The following GRHL2 variants were observed in gnomAD, a reference collection of about 807,000 sequenced individuals.
The protein encoded by GRHL2 is grainyhead-like protein 2 homolog.
A neutral mutation model predicts 83.8 loss-of-function variants in GRHL2; 21 were observed. The observed-to-expected ratio is 0.25, with a 90% CI of 0.18 to 0.36. The LOEUF (loss-of-function observed/expected upper bound fraction) is 0.36. Ranked by LOEUF, GRHL2 falls within the 10% of genes least tolerant of loss-of-function variation. GRHL2 has a pLI of 1.00. For missense variants in GRHL2, 623 were observed against 781.8 expected (o/e 0.80, Z 2.42); for synonymous variants, 280 against 278.9 (o/e 1.00, Z -0.04).
At chr8:101,518,495 T>C (rs184748542) in intron 1 of GRHL2, among the ~76,000 whole-genome samples, 1 of 152,264 alleles carries the variant, frequency 6.6e-6, no homozygotes, top group Admixed American at 6.5e-5. Context: ...CCATACAGGA[T>C]CACCTCCTCA....
At chr8:101,517,299 C>T (rs150169931) in intron 1 of GRHL2, among the ~76,000 whole-genome samples, 183 of 152,294 alleles carry the variant, frequency 1.2e-3, no homozygotes, top group African/African-American at 4.3e-3. Context: ...CTGCATTTAT[C>T]TCCCATTTTG....
intron 12 of GRHL2, among the ~76,000 whole-genome samples, chr8:101,643,060 C>A (rs1241293654): frequency 6.6e-6 from 1 of 152,116 alleles, no homozygotes; most frequent in Non-Finnish European, 1.5e-5. Flanking sequence ...ACCCATCTGG[C>A]ATTTCTTCAC....
chr8:101,619,514 A>G, intron 8 of GRHL2, 25 bp from the exon 9 acceptor site: 1 of 1,611,938 alleles, frequency 6.2e-7, no homozygotes, highest in Non-Finnish European at 8.5e-7. Flanking sequence ...TTGACTTGTG[A>G]ACTTTTTCTT....
intron 14 of GRHL2, among the ~76,000 whole-genome samples, chr8:101,654,626 G>A (rs1048261479): frequency 6.6e-6 from 1 of 152,290 alleles, no homozygotes; most frequent in Middle Eastern, 3.4e-3. Context: ...GGTGAAATGT[G>A]GATTTGTCAT....
chr8:101,652,454 GTC>G (rs1242918649), intron 14 of GRHL2, among the ~76,000 whole-genome samples: 1 of 58,300 alleles, frequency 1.7e-5, no homozygotes, highest in African/African-American at 8.3e-5. Flanking sequence ...TGTGGTGTGT[GTC>G]TGGTGTGTGT....
chr8:101,529,622 C>T (rs1810880078), intron 1 of GRHL2: 1 of 198,526 alleles, frequency 5.0e-6, no homozygotes, highest in Admixed American at 4.8e-5. Context: ...AAGTATCTTC[C>T]TTTTAACATT....
chr8:101,667,910 G>T lies in GRHL2; in HGVS notation c.*1207G>T, dbSNP rs971574065. On this transcript the variant is annotated 3_prime_UTR_variant, in exon 16 of 16. Coordinates refer to ENST00000646743, the MANE Select transcript of GRHL2 (RefSeq NM_024915.4). ...GGCCCTTTAAAAGGCCTGCTGCCAT[G>T]TGAGAGCTGTGAACAGCTCAGCTCT... The T allele has an allele frequency of 1.3e-5, 2 of 152,826 alleles. No individual in the cohort carries two copies. Among genetic ancestry groups the T allele is most frequent in the Non-Finnish European group, 2.9e-5 (2 of 68,186 alleles). 9.5% of individuals were successfully genotyped at this position (152,826 alleles called of 1,614,324 possible).
intron 1 of GRHL2, among the ~76,000 whole-genome samples, chr8:101,513,482 G>C (rs370835259): frequency 1.2e-4 from 17 of 144,482 alleles, no homozygotes; most frequent in African/African-American, 4.4e-4. Flanking sequence ...GTGTATGTGG[G>C]TGCAGGCTAT....
chr8:101,492,712 CCA>C lies in GRHL2; in HGVS notation c.-57_-56del. On this transcript the variant is annotated 5_prime_UTR_variant, in exon 1 of 16. Transcript: ENST00000646743. Reference sequence around the variant, plus strand: ...CCTTCACCTGCACAGACTTGAAAGTCCAGTTTCACCAGAGGCTGAGGCTCCAG... The same window carrying C: ...CCTTCACCTGCACAGACTTGAAAGTCGTTTCACCAGAGGCTGAGGCTCCAG... The C allele has an allele frequency of 6.6e-7, 1 of 1,508,828 alleles. No individual in the cohort carries two copies. Among genetic ancestry groups the C allele is most frequent in the East Asian group, 2.3e-5 (1 of 44,424 alleles). The allele number at this position is 1,508,828 out of a possible 1,614,324, so 93.5% of individuals were successfully genotyped here. A position where few individuals can be genotyped will look rare whatever the true frequency, so the allele number is the denominator to read the frequency against.
intron 14 of GRHL2, among the ~76,000 whole-genome samples, chr8:101,651,527 C>T (rs1813621221): frequency 6.6e-6 from 1 of 152,186 alleles, no homozygotes; most frequent in Admixed American, 6.5e-5. Flanking sequence ...CTTTACCTTC[C>T]ATGGCATCTG....
At chr8:101,560,630 G>A (rs958964431) in intron 4 of GRHL2, among the ~76,000 whole-genome samples, 11 of 152,154 alleles carry the variant, frequency 7.2e-5, no homozygotes, top group Non-Finnish European at 1.2e-4. Context: ...TACCAGCAAC[G>A]TATGAGGATC....
At chr8:101,559,554 A>G (rs1811564518) in intron 4 of GRHL2, among the ~76,000 whole-genome samples, 1 of 152,050 alleles carries the variant, frequency 6.6e-6, no homozygotes, top group Non-Finnish European at 1.5e-5. Context: ...ACAAACCAAT[A>G]AAACTTTAAA....
At chr8:101,536,539 C>T (rs575455492) in intron 1 of GRHL2, among the ~76,000 whole-genome samples, 2 of 152,274 alleles carry the variant, frequency 1.3e-5, no homozygotes, top group Non-Finnish European at 2.9e-5. Context: ...GGTGAAGAAA[C>T]TGATACACAG....
intron 14 of GRHL2, among the ~76,000 whole-genome samples, chr8:101,657,418 A>G (rs1021007269): frequency 6.6e-5 from 10 of 152,210 alleles, no homozygotes; most frequent in African/African-American, 2.4e-4. Context: ...TATTGATGAG[A>G]TATCTCCAAG....
chr8:101,660,705 A>G (rs1402590522), intron 14 of GRHL2, among the ~76,000 whole-genome samples: 1 of 152,088 alleles, frequency 6.6e-6, no homozygotes, highest in African/African-American at 2.4e-5. Context: ...CGTTTCCTAA[A>G]TTTTCCAAAT....
At chr8:101,493,457 C>T (rs1302290620) in intron 1 of GRHL2, among the ~76,000 whole-genome samples, 1 of 143,942 alleles carries the variant, frequency 6.9e-6, no homozygotes, top group Admixed American at 6.9e-5. Context: ...CCCCCGGGTC[C>T]GCCCCCGCAT....
At chr8:101,554,603 T>C (rs1415622109) in intron 3 of GRHL2, among the ~76,000 whole-genome samples, 2 of 152,206 alleles carry the variant, frequency 1.3e-5, no homozygotes, top group African/African-American at 4.8e-5. Flanking sequence ...TTGAATATAA[T>C]TTGGAAGGAT....
At chr8:101,589,956 G>C (rs1004110645) in intron 7 of GRHL2, among the ~76,000 whole-genome samples, 1 of 152,152 alleles carries the variant, frequency 6.6e-6, no homozygotes, top group Non-Finnish European at 1.5e-5. Flanking sequence ...GTTACAAACT[G>C]ACTGTGGGGG....
chr8:101,492,689 T>C lies in GRHL2; in HGVS notation c.-81T>C. The C allele has an allele frequency of 7.8e-7, 1 of 1,281,358 alleles. No individual in the cohort carries two copies. 79.4% of individuals were successfully genotyped at this position (1,281,358 alleles called of 1,614,324 possible). ...GCCATCTCGGGCGCTCTCACACACC[T>C]TCACCTGCACAGACTTGAAAGTCCA... On this transcript the variant is annotated 5_prime_UTR_variant, in exon 1 of 16. Coordinates refer to ENST00000646743, the MANE Select transcript of GRHL2 (RefSeq NM_024915.4).
Sources: allele counts gnomAD v4.1 joint callset (sites outside exome capture counted in the v4.1 genomes callset), GRCh38; gene constraint gnomAD v4.1.1; transcripts MANE v1.5; gene names NCBI Gene and HGNC (gene_info 2026-07-23, HGNC 2026-07-21).